RASAL2: variants seen among roughly 807,000 people sequenced by gnomAD.
The protein encoded by RASAL2 is ras GTPase-activating protein nGAP.
RASAL2 carries 58 observed loss-of-function variants against 128.9 expected under a neutral mutation model. That is an observed-to-expected ratio of 0.45 (90% CI 0.36 to 0.56). RASAL2 has a LOEUF of 0.56. Among genes scored for constraint, RASAL2 ranks in the 20% least tolerant of loss-of-function variants. The pLI is 0.00. For missense variants in RASAL2, 1,360 were observed against 1,601.6 expected (o/e 0.85, Z 2.57); for synonymous variants, 561 against 580.8 (o/e 0.97, Z 0.49).
At chr1:178,220,687 A>G (rs545067253) in intron 1 of RASAL2, among the ~76,000 whole-genome samples, 1 of 152,318 alleles carries the variant, frequency 6.6e-6, no homozygotes, top group African/African-American at 2.4e-5. Context: ...GCCTTTTCAG[A>G]TTGGCTTCTT....
At chr1:178,383,363 A>G (rs933814211) in intron 3 of RASAL2, among the ~76,000 whole-genome samples, 18 of 152,236 alleles carry the variant, frequency 1.2e-4, no homozygotes, top group Admixed American at 3.9e-4. Flanking sequence ...TTAAGGCAGT[A>G]AAAGTGGGAT....
Position 178,294,452 on chromosome 1 carries a change from C to T in RASAL2, c.331-5540C>T, listed in dbSNP as rs79987194. On this transcript the variant is annotated intron_variant, in intron 2 of 17. Coordinates refer to ENST00000367649, the MANE Select transcript of RASAL2 (RefSeq NM_170692.4). ...TAAAGGATAGGTTTAAGGGGCAGAA[C>T]GTCCCAGGCAGATACCAGTGAAGAA... Among the ~76,000 whole-genome samples, 46 of 152,294 alleles carry T rather than the reference C, an allele frequency of 3.0e-4. No individual in the cohort carries two copies. The East Asian group carries it at 8.1e-3, about 27-fold the overall frequency.
At chr1:178,241,989 G>A (rs1338359808) in intron 1 of RASAL2, among the ~76,000 whole-genome samples, 1 of 152,152 alleles carries the variant, frequency 6.6e-6, no homozygotes, top group Non-Finnish European at 1.5e-5. Context: ...GCACAAGGAT[G>A]GAGAACTGCT....
At chr1:178,201,019 C>T (rs1662848128) in intron 1 of RASAL2, among the ~76,000 whole-genome samples, 1 of 152,122 alleles carries the variant, frequency 6.6e-6, no homozygotes, top group Admixed American at 6.6e-5. Context: ...GACTAAAGTC[C>T]CAGCAGGCTC....
At chr1:178,336,811 T>A (rs77220501) in intron 3 of RASAL2, among the ~76,000 whole-genome samples, 1 of 152,104 alleles carries the variant, frequency 6.6e-6, no homozygotes, top group Admixed American at 6.5e-5. Flanking sequence ...GAAAATACTT[T>A]TAGTTGCTTT....
At chr1:178,341,275 T>G (rs931466096) in intron 3 of RASAL2, among the ~76,000 whole-genome samples, 1 of 152,210 alleles carries the variant, frequency 6.6e-6, no homozygotes, top group Admixed American at 6.5e-5. Context: ...CTTAGCTTGG[T>G]AAATCACATT....
intron 3 of RASAL2, among the ~76,000 whole-genome samples, chr1:178,380,639 A>G (rs1482542074): frequency 6.6e-6 from 1 of 152,176 alleles, no homozygotes; most frequent in African/African-American, 2.4e-5. Context: ...GTTAAAATAT[A>G]TTTGCCATTA....
intron 15 of RASAL2, among the ~76,000 whole-genome samples, chr1:178,464,696 C>T (rs1443923181): frequency 6.6e-6 from 1 of 151,072 alleles, no homozygotes; most frequent in African/African-American, 2.4e-5. Flanking sequence ...CTCTACTATT[C>T]ATTTCTAGTC....
At chr1:178,369,113 C>A (rs776806685) in intron 3 of RASAL2, among the ~76,000 whole-genome samples, 4 of 152,062 alleles carry the variant, frequency 2.6e-5, no homozygotes, top group African/African-American at 4.8e-5. Flanking sequence ...CCTTATACAT[C>A]ATATTATGAC....
At position 178,464,290 on chromosome 1, in the gene RASAL2, G is replaced by A. The variant is rs753157247; in HGVS notation, c.3265G>A (p.Val1089Met). 1.2e-6 allele frequency: 2 copies of A among 1,612,726 alleles called. No individual in the cohort carries two copies. Among genetic ancestry groups the A allele is most frequent in the Admixed American group, 1.7e-5 (1 of 59,926 alleles). Residue 1089 changes from valine (V) to methionine (M), a missense_variant, in exon 15 of 18, where the codon GTG (valine) becomes ATG (methionine). By Grantham distance (21) the Val-to-Met change is conservative. Around this residue, in one of 3 missense-constraint regions of RASAL2, gnomAD observed 741 missense variants for 868.6 expected, o/e 0.85. Coordinates refer to ENST00000367649, the MANE Select transcript of RASAL2 (RefSeq NM_170692.4). ...RQQTQQVQSP[V>M]DSATMSPVER... ...GTTTCTGATGCAGGTTCAGTCACCT[G>A]TGGACTCTGCCACAATGTCCCCAGT... is the stretch of plus-strand genomic sequence containing the variant.
In RASAL2 at chr1:178,331,583, C is replaced by CTTTTT. The variant is rs71731643; in HGVS notation, c.457+31482_457+31486dup. ...TTCTTAGAGATGTAACTTCATGCAT[C>CTTTTT]TTTTTTTTTTTTTTTTTTTTTGAGA... On this transcript the variant is annotated intron_variant, in intron 3 of 17. Coordinates refer to ENST00000367649, the MANE Select transcript of RASAL2 (RefSeq NM_170692.4). Among the ~76,000 whole-genome samples the CTTTTT allele has an allele frequency of 3.2e-3, 351 of 110,196 alleles. 18 individuals carry two copies. Among genetic ancestry groups the CTTTTT allele is most frequent in the African/African-American group, 0.012 (326 of 26,552 alleles). 72.3% of individuals were successfully genotyped at this position (110,196 alleles called of 152,430 possible).
At chr1:178,394,880 A>G (rs765427211) in intron 4 of RASAL2, among the ~76,000 whole-genome samples, 16 of 152,248 alleles carry the variant, frequency 1.1e-4, no homozygotes, top group Non-Finnish European at 4.4e-5. Flanking sequence ...AAATCTTTAC[A>G]TAGTTTTTAG....
chr1:178,332,099 T>G (rs948497349), intron 3 of RASAL2, among the ~76,000 whole-genome samples: 5 of 152,158 alleles, frequency 3.3e-5, no homozygotes, highest in African/African-American at 1.2e-4. Context: ...TTTTAAATGT[T>G]TTTTGGATTA....
At chr1:178,414,869 T>C (rs1277580235) in intron 4 of RASAL2, among the ~76,000 whole-genome samples, 5 of 152,170 alleles carry the variant, frequency 3.3e-5, no homozygotes, top group African/African-American at 9.7e-5. Flanking sequence ...CTGTTTCACC[T>C]AGATTATCAA....
In RASAL2 at chr1:178,442,693, G is replaced by A. The variant is rs1355068653; in HGVS notation, c.946G>A (p.Glu316Lys). The change falls in exon 8 of 18, where the codon GAA (glutamate) becomes AAA (lysine). Residue 316 changes from glutamate to lysine, a missense_variant. Physicochemically the swap from Glu to Lys is moderately conservative, Grantham distance 56 (BLOSUM62 1). Coordinates refer to ENST00000367649, the MANE Select transcript of RASAL2 (RefSeq NM_170692.4). ...QPNKDNCRRA[E>K]NVLRLWIIEA... Reference sequence around the variant, plus strand: ...TTTATAGGACAATTGCAGGCGAGCTGAAAATGTTCTTCGTTTATGGATCAT... The same window carrying A: ...TTTATAGGACAATTGCAGGCGAGCTAAAAATGTTCTTCGTTTATGGATCAT... 16 of 1,606,066 alleles carry A rather than the reference G, an allele frequency of 1.0e-5. No homozygotes were observed. The highest frequency in any genetic ancestry group is 1.3e-5 in the African/African-American group (1 of 74,500).
intron 4 of RASAL2, among the ~76,000 whole-genome samples, chr1:178,418,559 A>G (rs980397912): frequency 1.3e-5 from 2 of 152,236 alleles, no homozygotes; most frequent in African/African-American, 4.8e-5. Context: ...AATAAGATAT[A>G]GCATTATAAG....
chr1:178,409,476 A>T (rs1220111505), intron 4 of RASAL2, among the ~76,000 whole-genome samples: 1 of 152,212 alleles, frequency 6.6e-6, no homozygotes, highest in Non-Finnish European at 1.5e-5. Flanking sequence ...AGGATGATTC[A>T]GCCAGGGAGA....
At chr1:178,101,208 A>G (rs1013362104) in intron 1 of RASAL2, among the ~76,000 whole-genome samples, 1 of 152,194 alleles carries the variant, frequency 6.6e-6, no homozygotes, top group African/African-American at 2.4e-5. Flanking sequence ...AAAAGAAATA[A>G]AAATTGAACC....
chr1:178,228,137 G>A (rs1444585633), intron 1 of RASAL2, among the ~76,000 whole-genome samples: 1 of 152,138 alleles, frequency 6.6e-6, no homozygotes, highest in Non-Finnish European at 1.5e-5. Context: ...ACAGATCTGA[G>A]TCTTCACCTT....
Sources: gnomAD v4.1 joint callset for allele counts (sites outside exome capture counted in the v4.1 genomes callset) on GRCh38, gnomAD v4.1.1 for gene constraint, gnomAD v4.1.1 regional missense constraint, MANE v1.5 for transcripts, NCBI Gene and HGNC (gene_info 2026-07-23, HGNC 2026-07-21) for gene names.